The following FAM135A variants were observed in gnomAD, a reference collection of about 807,000 sequenced individuals.
FAM135A encodes the protein protein FAM135A.
FAM135A carries 79 observed loss-of-function variants against 146.8 expected under a neutral mutation model. The observed-to-expected ratio is 0.54, with a 90% confidence interval of 0.45 to 0.65. The LOEUF (loss-of-function observed/expected upper bound fraction) is 0.65, where lower values mean the gene tolerates loss of function less well. Ranked by LOEUF, FAM135A falls within the 30% of genes least tolerant of loss-of-function variation. FAM135A has a pLI of 0.00. For synonymous variants in FAM135A, 562 were observed against 603.6 expected (o/e 0.93, Z 1.01); for missense variants, 1,623 against 1,758.2 (o/e 0.92, Z 1.38).
chr6:70,499,131 A>G (rs1256708479), intron 11 of FAM135A, among the ~76,000 whole-genome samples: 1 of 152,196 alleles, frequency 6.6e-6, no homozygotes, highest in African/African-American at 2.4e-5. Context: ...TAGGTCTCTA[A>G]TAACTTGCTT....
chr6:70,505,301 C>T (rs916146658), intron 12 of FAM135A, among the ~76,000 whole-genome samples: 2 of 152,082 alleles, frequency 1.3e-5, no homozygotes, highest in Non-Finnish European at 2.9e-5. Flanking sequence ...TTTTGCCAAT[C>T]ATCTTACTAA....
At chr6:70,448,954 G>C (rs1776429337) in intron 4 of FAM135A, among the ~76,000 whole-genome samples, 1 of 152,168 alleles carries the variant, frequency 6.6e-6, no homozygotes, top group Admixed American at 6.5e-5. Flanking sequence ...CAGCCTGGGT[G>C]TTATGGCCAT....
chr6:70,541,276 G>A (rs930947932), intron 20 of FAM135A, among the ~76,000 whole-genome samples: 1 of 152,020 alleles, frequency 6.6e-6, no homozygotes, highest in South Asian at 2.1e-4. Context: ...GTGTTGGGGG[G>A]TAGGGTTGAA....
At chr6:70,523,472 T>G (rs933083048) in intron 13 of FAM135A, among the ~76,000 whole-genome samples, 1 of 152,188 alleles carries the variant, frequency 6.6e-6, no homozygotes, top group Admixed American at 6.5e-5. Flanking sequence ...AGACAGGGTT[T>G]TCTGTTTTAA....
chr6:70,543,188 A>C (rs1032484154), intron 20 of FAM135A, among the ~76,000 whole-genome samples: 2 of 152,224 alleles, frequency 1.3e-5, no homozygotes, highest in African/African-American at 2.4e-5. Context: ...AATCTAGCCC[A>C]TATATTCAGC....
At chr6:70,416,951 AC>A (rs898377678) in intron 2 of FAM135A, among the ~76,000 whole-genome samples, 7 of 152,236 alleles carry the variant, frequency 4.6e-5, no homozygotes, top group South Asian at 2.1e-4. Context: ...GCAGTTGTTA[AC>A]AGGTACATAC....
chr6:70,416,927 A>G (rs1767693562), intron 2 of FAM135A, among the ~76,000 whole-genome samples: 1 of 152,218 alleles, frequency 6.6e-6, no homozygotes, highest in Non-Finnish European at 1.5e-5. Context: ...TTCACATTTT[A>G]TTTTTAAAGA....
rs1270781615 is a variant in FAM135A at position 70,473,730 on chromosome 6, G to A, written c.158-1680G>A. ...CTCCTCCTTACCCCACTTGACCTCA[G>A]TAAGGCCTTGTGCCAGGAGTTCCTT... On this transcript the variant is annotated intron_variant, in intron 5 of 21. Transcript: ENST00000418814. Among the ~76,000 whole-genome samples, 3 of 152,222 alleles carry A rather than the reference G, an allele frequency of 2.0e-5. No individual in the cohort carries two copies. In the East Asian group the frequency reaches 5.8e-4, roughly 29 times the overall value.
At chr6:70,497,639 T>G (rs1464363166) in intron 11 of FAM135A, among the ~76,000 whole-genome samples, 1 of 152,242 alleles carries the variant, frequency 6.6e-6, no homozygotes, top group African/African-American at 2.4e-5. Context: ...GGGTTTGTCA[T>G]AAATAGCTCT....
At chr6:70,463,176 C>T (rs554644912) in intron 5 of FAM135A, among the ~76,000 whole-genome samples, 81 of 152,280 alleles carry the variant, frequency 5.3e-4, no homozygotes, top group Non-Finnish European at 1.0e-3. Context: ...CCTCTCTTCT[C>T]CTTATTACCT....
chr6:70,428,129 AG>A (rs1445987270), intron 3 of FAM135A, among the ~76,000 whole-genome samples, 174 bp from the exon 4 acceptor site: 2 of 152,218 alleles, frequency 1.3e-5, no homozygotes, highest in Non-Finnish European at 2.9e-5. Flanking sequence ...AGTGCAGCTT[AG>A]TAAGTATACA....
intron 4 of FAM135A, among the ~76,000 whole-genome samples, chr6:70,450,821 A>ACT (rs1776921559): frequency 7.5e-6 from 1 of 134,140 alleles, no homozygotes; most frequent in South Asian, 2.3e-4. Context: ...AGCTCACTGC[A>ACT]AACTCTGCCT....
intron 21 of FAM135A, 65 bp downstream of exon 21, chr6:70,556,928 G>A (rs772309505): frequency 2.4e-6 from 3 of 1,233,526 alleles, no homozygotes; most frequent in East Asian, 2.4e-5. Context: ...AATTTTTCTT[G>A]TAGTCACTTT....
chr6:70,493,420 G>C (rs1786499680), intron 11 of FAM135A, among the ~76,000 whole-genome samples: 1 of 152,094 alleles, frequency 6.6e-6, no homozygotes, highest in Non-Finnish European at 1.5e-5. Flanking sequence ...AATAACATAT[G>C]TATCCATGTA....
In FAM135A at chr6:70,559,979, G is replaced by A; in HGVS notation, c.*58G>A. 2.3e-6 allele frequency: 3 copies of A among 1,323,606 alleles called. No homozygotes were observed. Among genetic ancestry groups the A allele is most frequent in the Non-Finnish European group, 3.2e-6 (3 of 949,308 alleles). 82.0% of individuals were successfully genotyped at this position (1,323,606 alleles called of 1,614,324 possible). A position where few individuals can be genotyped will look rare whatever the true frequency, so the allele number is the denominator to read the frequency against. On this transcript the variant is annotated 3_prime_UTR_variant, in exon 22 of 22. Transcript: ENST00000418814. The stretch of plus-strand genomic sequence containing the variant: ...CTCATTCAACAATGTTTCAAATAAT[G>A]TATTATATTAAAATGTAGATGCTGA...
At chr6:70,463,844 C>G (rs1779879078) in intron 5 of FAM135A, among the ~76,000 whole-genome samples, 1 of 152,178 alleles carries the variant, frequency 6.6e-6, no homozygotes, top group African/African-American at 2.4e-5. Context: ...TGGCAAGCCT[C>G]CATTTTGCTT....
At chr6:70,473,761 C>T (rs1782066905) in intron 5 of FAM135A, among the ~76,000 whole-genome samples, 2 of 152,156 alleles carry the variant, frequency 1.3e-5, no homozygotes, top group Non-Finnish European at 2.9e-5. Context: ...TCCTTTTCCT[C>T]ACTTCACTTG....
Position 70,524,599 on chromosome 6 carries a change from CA to C in FAM135A, c.1516del (p.Thr506GlnfsTer4). 1 of 1,541,060 alleles carries C rather than the reference CA, an allele frequency of 6.5e-7. No individual in the cohort carries two copies. The highest frequency in any genetic ancestry group is 8.7e-7 in the Non-Finnish European group (1 of 1,144,320). Reference protein sequence around the residue: ...KLMKTMKSENTKKLIKQNSKD... With the variant: ...KLMKTMKSENXKKLIKQNSKD... ...TTATGAAAACAATGAAATCTGAAAA[CA>C]CAAAAAAATTAATAAAACAGAACTC... On this transcript the variant is annotated frameshift_variant, in exon 15 of 22. Transcript: ENST00000418814. LOFTEE classifies it high-confidence loss of function.
intron 5 of FAM135A, among the ~76,000 whole-genome samples, chr6:70,468,065 A>C (rs1780820018): frequency 6.6e-6 from 1 of 152,142 alleles, no homozygotes; most frequent in Non-Finnish European, 1.5e-5. Context: ...TTGTCTAAGG[A>C]ATCTTTGAAG....
Sources: allele counts gnomAD v4.1 joint callset (sites outside exome capture counted in the v4.1 genomes callset), GRCh38; gene constraint gnomAD v4.1.1; transcripts MANE v1.5; gene names NCBI Gene and HGNC (gene_info 2026-07-23, HGNC 2026-07-21).